Variants in ALK observed in about 807,000 individuals in gnomAD.
ALK encodes the protein ALK tyrosine kinase receptor.
In ALK, 74 loss-of-function variants were observed where a neutral mutation model predicts 163.1. The observed-to-expected ratio is 0.45, with a 90% CI of 0.38 to 0.55. ALK has a LOEUF of 0.55. ALK is among the 20% of genes least tolerant of loss of function. The probability of loss-of-function intolerance (pLI) is 0.00; values close to 1 mark genes in which losing one functional copy is unlikely to be tolerated. For missense variants in ALK, 2,063 were observed against 2,105.3 expected, an observed-to-expected ratio of 0.98 and a Z score of 0.39; for synonymous variants, 960 against 843.2, an observed-to-expected ratio of 1.14 and a Z score of -2.40.
intron 3 of ALK, among the ~76,000 whole-genome samples, chr2:29,659,145 A>C (rs1461071805): frequency 6.6e-6 from 1 of 152,096 alleles, no homozygotes; most frequent in Non-Finnish European, 1.5e-5. Context: ...CCCAGAACTA[A>C]TATTCACTGT....
chr2:29,776,551 T>C (rs1275941795), intron 1 of ALK, among the ~76,000 whole-genome samples: 2 of 152,130 alleles, frequency 1.3e-5, no homozygotes, highest in Non-Finnish European at 2.9e-5. Flanking sequence ...ATGATGGTGG[T>C]TGAATGTATA....
At chr2:29,686,705 G>A (rs1444065585) in intron 3 of ALK, among the ~76,000 whole-genome samples, 1 of 152,134 alleles carries the variant, frequency 6.6e-6, no homozygotes, top group Non-Finnish European at 1.5e-5. Flanking sequence ...GTTCAGTTAG[G>A]AGGGGTTCCT....
chr2:29,496,466 A>G (rs141391401), intron 4 of ALK, among the ~76,000 whole-genome samples: 1 of 152,318 alleles, frequency 6.6e-6, no homozygotes, highest in African/African-American at 2.4e-5. Context: ...CATCACTGCT[A>G]TAGATCTTTA....
chr2:29,234,671 C>T (rs1383311837), intron 13 of ALK, among the ~76,000 whole-genome samples: 1 of 152,070 alleles, frequency 6.6e-6, no homozygotes, highest in Non-Finnish European at 1.5e-5. Context: ...CAACACAGGT[C>T]GTTGTGGCAT....
At chr2:29,612,372 T>C (rs932195781) in intron 3 of ALK, among the ~76,000 whole-genome samples, 2 of 152,202 alleles carry the variant, frequency 1.3e-5, no homozygotes, top group African/African-American at 4.8e-5. Context: ...CCTGGTAGGT[T>C]GCATTTTACT....
chr2:29,895,576 A>G (rs1338424303), intron 1 of ALK, among the ~76,000 whole-genome samples: 1 of 152,216 alleles, frequency 6.6e-6, no homozygotes, highest in Non-Finnish European at 1.5e-5. Flanking sequence ...ACCCACAGAA[A>G]GGAAACAATG....
At chr2:29,277,555 G>T (rs1162176291) in intron 9 of ALK, among the ~76,000 whole-genome samples, 2 of 152,246 alleles carry the variant, frequency 1.3e-5, no homozygotes, top group African/African-American at 4.8e-5. Context: ...ACCCAAATCT[G>T]GTTTGATTCT....
chr2:29,791,455 A>G (rs1420662894), intron 1 of ALK, among the ~76,000 whole-genome samples: 1 of 152,100 alleles, frequency 6.6e-6, no homozygotes, highest in African/African-American at 2.4e-5. Context: ...CAGGGAGGGG[A>G]ACATCACACA....
intron 4 of ALK, among the ~76,000 whole-genome samples, chr2:29,390,470 A>T (rs1317314254): frequency 3.9e-5 from 6 of 152,222 alleles, no homozygotes; most frequent in Non-Finnish European, 8.8e-5. Flanking sequence ...GTCTTTGCTA[A>T]GAATCTCTCT....
intron 4 of ALK, among the ~76,000 whole-genome samples, chr2:29,493,050 G>A (rs1573399471): frequency 6.6e-6 from 1 of 152,202 alleles, no homozygotes; most frequent in Non-Finnish European, 1.5e-5. Context: ...TTCAGCTTTT[G>A]ATGAAATCTC....
At chr2:29,215,471 T>G (rs1020520685) in intron 23 of ALK, among the ~76,000 whole-genome samples, 2 of 152,148 alleles carry the variant, frequency 1.3e-5, no homozygotes, top group African/African-American at 4.8e-5. Context: ...AGCACATACA[T>G]GATCTGCTGT....
At chr2:29,357,283 G>A (rs970857736) in intron 5 of ALK, among the ~76,000 whole-genome samples, 10 of 152,132 alleles carry the variant, frequency 6.6e-5, no homozygotes, top group African/African-American at 2.2e-4. Context: ...TTAGTTCTTT[G>A]CCCTCATCTC....
chr2:29,607,879 T>A (rs938579305), intron 3 of ALK, among the ~76,000 whole-genome samples: 15 of 152,214 alleles, frequency 9.9e-5, no homozygotes, highest in African/African-American at 3.6e-4. Context: ...TTCTTTTTTT[T>A]TTCAATCTCA....
chr2:29,839,424 A>G (rs1443867447), intron 1 of ALK, among the ~76,000 whole-genome samples: 3 of 152,178 alleles, frequency 2.0e-5, no homozygotes, highest in Non-Finnish European at 4.4e-5. Flanking sequence ...AACAAATCTC[A>G]TCATCTTCAA....
intron 3 of ALK, among the ~76,000 whole-genome samples, chr2:29,565,389 G>A (rs1196103251): frequency 4.6e-5 from 7 of 152,204 alleles, no homozygotes; most frequent in Admixed American, 1.3e-4. Flanking sequence ...CCAAGACCCT[G>A]CTTAGTGTTT....
At chr2:29,587,853 T>C (rs1674932904) in intron 3 of ALK, among the ~76,000 whole-genome samples, 2 of 152,182 alleles carry the variant, frequency 1.3e-5, no homozygotes, top group African/African-American at 4.8e-5. Context: ...TATCAAAATA[T>C]TGATTTAACA....
intron 3 of ALK, among the ~76,000 whole-genome samples, chr2:29,577,793 A>G (rs1326351746): frequency 6.6e-6 from 1 of 152,222 alleles, no homozygotes; most frequent in African/African-American, 2.4e-5. Flanking sequence ...ATGAGCTGAC[A>G]GTTGATGAAT....
chr2:29,899,926 T>C (rs1326807938), intron 1 of ALK, among the ~76,000 whole-genome samples: 2 of 152,204 alleles, frequency 1.3e-5, no homozygotes, highest in African/African-American at 2.4e-5. Context: ...TGCAGCCAAA[T>C]GTATTCTAAC....
intron 4 of ALK, among the ~76,000 whole-genome samples, chr2:29,466,590 C>A (rs2148107516): frequency 6.6e-6 from 1 of 152,274 alleles, no homozygotes. Context: ...AGGCTAGGAA[C>A]CATGGAACCA....
Sources: allele counts gnomAD v4.1 joint callset (sites outside exome capture counted in the v4.1 genomes callset), GRCh38; gene constraint gnomAD v4.1.1; transcripts MANE v1.5; gene names NCBI Gene and HGNC (gene_info 2026-07-23, HGNC 2026-07-21).